Variants in ASPM observed in about 807,000 individuals in gnomAD.
The protein encoded by ASPM is assembly factor for spindle microtubules.
A neutral mutation model predicts 366.4 loss-of-function variants in ASPM; 256 were observed. The observed-to-expected ratio is 0.70, with a 90% CI of 0.63 to 0.77. The LOEUF (loss-of-function observed/expected upper bound fraction) is 0.77, where lower values mean the gene tolerates loss of function less well. Among genes scored for constraint, ASPM ranks in the 30% least tolerant of loss-of-function variants. The pLI is 0.00. For synonymous variants in ASPM, 1,414 were observed against 1,342.9 expected, an observed-to-expected ratio of 1.05 and a Z score of -1.16; for missense variants, 4,146 against 4,090.4, an observed-to-expected ratio of 1.01 and a Z score of -0.37.
chr1:197,122,099 A>G, intron 15 of ASPM, 56 bp from the exon 16 acceptor site: 2 of 1,599,892 alleles, frequency 1.3e-6, no homozygotes, highest in Non-Finnish European at 1.7e-6. Flanking sequence ...TACAGTACTT[A>G]CTATCATCTT....
chr1:197,139,619 C>G, intron 4 of ASPM, 148 bp downstream of exon 4: 2 of 721,710 alleles, frequency 2.8e-6, no homozygotes, highest in South Asian at 3.1e-5. Context: ...AGAAAGTTGA[C>G]ACAATATCCT....
At chr1:197,105,798 A>G (rs1249629791) in intron 17 of ASPM, among the ~76,000 whole-genome samples, 1 of 152,064 alleles carries the variant, frequency 6.6e-6, no homozygotes, top group African/African-American at 2.4e-5. Flanking sequence ...TTGAGAAATG[A>G]CAAAACTTTT....
In ASPM at chr1:197,100,515, A is replaced by C; in HGVS notation, c.8736T>G (p.Ser2912Arg). 6.2e-7 allele frequency: 1 copy of C among 1,610,842 alleles called. No homozygotes were observed. Among genetic ancestry groups the C allele is most frequent in the Non-Finnish European group, 8.5e-7 (1 of 1,178,006 alleles). ...TACTTCTAGCTTGAATAATGATAAC[A>C]CTGCTTCTGATCTGTAAATAGACTT... Reference protein sequence around the residue: ...QRQVYLQIRSSVIIIQARSKG... With the variant: ...QRQVYLQIRSRVIIIQARSKG... The change falls in exon 18 of 28, where the codon AGT becomes AGG. Residue 2912 changes from serine to arginine, a missense_variant. This residue lies in a region of ASPM where 3,624 missense variants were observed against 3,591.7 expected (regional missense o/e 1.01). Coordinates refer to ENST00000367409, the MANE Select transcript of ASPM (RefSeq NM_018136.5).
chr1:197,124,446 A>G (rs1658021377), intron 12 of ASPM, 115 bp from the exon 13 acceptor site: 3 of 817,498 alleles, frequency 3.7e-6, no homozygotes, highest in East Asian at 5.4e-5. Flanking sequence ...GTTTTAAACC[A>G]GGAAGTTAAA....
Position 197,139,900 on chromosome 1 carries a change from A to G in ASPM, c.1922-29T>C, listed in dbSNP as rs767205843. ...AAATAAATTAGAAAACAAAACTAAG[A>G]GCATTAAAATACAAATTCCCTAAAT... On this transcript the variant is annotated intron_variant, in intron 3 of 27. Coordinates refer to ENST00000367409, the MANE Select transcript of ASPM (RefSeq NM_018136.5). 1.2e-4 allele frequency: 178 copies of G among 1,480,872 alleles called. 1 individual carries two copies. The highest frequency in any genetic ancestry group is 1.0e-4 in the Non-Finnish European group (106 of 1,060,184). 91.7% of individuals were successfully genotyped at this position (1,480,872 alleles called of 1,614,324 possible). A position where few individuals can be genotyped will look rare whatever the true frequency, so the allele number is the denominator to read the frequency against.
intron 16 of ASPM, among the ~76,000 whole-genome samples, chr1:197,118,641 T>C (rs74820344): frequency 0.014 from 2,153 of 152,264 alleles, 49 homozygotes; most frequent in African/African-American, 0.046. Flanking sequence ...ACATATTCTA[T>C]GTCCAGCACC....
chr1:197,142,968 A>G lies in ASPM; in HGVS notation c.1284T>C (p.Asp428=), dbSNP rs757623220. 12 of 1,613,840 alleles carry G rather than the reference A, an allele frequency of 7.4e-6. No individual in the cohort carries two copies. Among genetic ancestry groups the G allele is most frequent in the South Asian group, 1.1e-5 (1 of 91,078 alleles). Residue 428 remains aspartate (D), a synonymous_variant, in exon 3 of 28, where the codon GAT becomes GAC. Transcript: ENST00000367409. ...GTGGCGAAACTTCACTTTTTCTCCA[A>G]TCTTCAGGAGACTGTGGGACTTGAG... The part of the protein sequence containing the change: ...ENSQVPQSPE[D]WRKSEVSPRI...
chr1:197,119,154 T>C (rs1251794347), intron 16 of ASPM, among the ~76,000 whole-genome samples: 2 of 152,160 alleles, frequency 1.3e-5, no homozygotes, highest in African/African-American at 4.8e-5. Context: ...TACTAAGGAA[T>C]GGTAAGTGCT....
intron 17 of ASPM, among the ~76,000 whole-genome samples, chr1:197,116,720 T>C (rs1657747019): frequency 6.6e-6 from 1 of 152,114 alleles, no homozygotes; most frequent in Non-Finnish European, 1.5e-5. Context: ...AGATTAAGTA[T>C]AGTGCAGAAT....
chr1:197,097,941 G>A (rs1337447585), intron 18 of ASPM, among the ~76,000 whole-genome samples: 4 of 150,588 alleles, frequency 2.7e-5, no homozygotes, highest in Non-Finnish European at 1.5e-5. Context: ...TTAAAACAAA[G>A]TTTTAATGAG....
intron 3 of ASPM, 103 bp downstream of exon 3, chr1:197,142,228 A>C: frequency 7.9e-7 from 1 of 1,259,402 alleles, no homozygotes; most frequent in South Asian, 1.3e-5. Context: ...CCAGCAAATA[A>C]GTAAAAACTA....
rs753486608 is a variant in ASPM at position 197,103,270 on chromosome 1, T to C, written c.5981A>G (p.Lys1994Arg). The C allele has an allele frequency of 1.4e-5, 22 of 1,612,894 alleles. No individual in the cohort carries two copies. In the East Asian group the frequency reaches 4.9e-4, roughly 36 times the overall value. ...CTTTTGAATCAGAAGAGCAGCTTTTTTCATGATTTTCCACTTCTTTTGTTG... is the reference window on the plus strand; with the variant it reads ...CTTTTGAATCAGAAGAGCAGCTTTTCTCATGATTTTCCACTTCTTTTGTTG... ...HVQQKKWKIM[K>R]KAALLIQKYY... Residue 1994 changes from lysine to arginine, a missense_variant, in exon 18 of 28, where the codon AAA (lysine) becomes AGA (arginine). By Grantham distance (26) the Lys-to-Arg change is conservative. This residue lies in a region of ASPM where 3,624 missense variants were observed against 3,591.7 expected (regional missense o/e 1.01). Coordinates refer to ENST00000367409, the MANE Select transcript of ASPM (RefSeq NM_018136.5).
In ASPM at chr1:197,094,123, A is replaced by T; in HGVS notation, c.9045T>A (p.Leu3015=). Residue 3015 remains leucine, a synonymous_variant, in exon 20 of 28, where the codon CTT becomes CTA. Transcript: ENST00000367409. ...IIIQRKWRAI[L]PAKIAHEHFL... is the part of the protein sequence containing the mutation. ...AGTGTTCATGAGCTATCTTTGCAGGAAGTATAGCTCTCCATTTTCTCTGAA... is the reference window on the plus strand; with the variant it reads ...AGTGTTCATGAGCTATCTTTGCAGGTAGTATAGCTCTCCATTTTCTCTGAA... The T allele has an allele frequency of 6.2e-7, 1 of 1,607,270 alleles. No individual in the cohort carries two copies. Among genetic ancestry groups the T allele is most frequent in the Non-Finnish European group, 8.5e-7 (1 of 1,175,800 alleles).
intron 8 of ASPM, 77 bp from the exon 9 acceptor site, chr1:197,129,394 TAATAAGGTGTTAGTAA>T: frequency 6.7e-7 from 1 of 1,486,244 alleles, no homozygotes. Flanking sequence ...ATAATAATAA[TAATAAGGTGTTAGTAA>T]AACAAAAAGT....
Position 197,146,232 on chromosome 1 carries a change from T to G in ASPM, c.206A>C (p.Asn69Thr). The change falls in exon 1 of 28, where the codon AAC (asparagine) becomes ACC (threonine). Residue 69 changes from asparagine to threonine, a missense_variant. This residue lies in a region of ASPM where 512 missense variants were observed against 471.7 expected (regional missense o/e 1.09). Transcript: ENST00000367409. Reference protein sequence around the residue: ...ASRTLSLALDNPNEEVAEVKI... With the variant: ...ASRTLSLALDTPNEEVAEVKI... ...CACTTCTGCCACCTCCTCGTTAGGG[T>G]TGTCTAGGGCCAGAGACAGCGTCCG... is the stretch of plus-strand genomic sequence containing the variant. 6.2e-7 allele frequency: 1 copy of G among 1,613,872 alleles called. No individual in the cohort carries two copies. The highest frequency in any genetic ancestry group is 8.5e-7 in the Non-Finnish European group (1 of 1,179,974).
At position 197,090,314 on chromosome 1, in the gene ASPM, T is replaced by C. The variant is rs750817240; in HGVS notation, c.9711A>G (p.Gln3237=). 4 of 1,613,022 alleles carry C rather than the reference T, an allele frequency of 2.5e-6. No individual in the cohort carries two copies. Among genetic ancestry groups the C allele is most frequent in the Non-Finnish European group, 3.4e-6 (4 of 1,179,358 alleles). The change falls in exon 24 of 28, where the codon CAA becomes CAG. Residue 3237 remains glutamine, a synonymous_variant. Transcript: ENST00000367409. ...TKIKAIRLSL[Q]VVNREIREEN... ...CTTCTCGAATCTCCCTATTAACAAC[T>C]TGAAGACTTAGTCGTATAGCTTTAA...
At chr1:197,118,096 C>T (rs1247315028) in intron 16 of ASPM, 113 bp from the exon 17 acceptor site, 1 of 977,432 alleles carries the variant, frequency 1.0e-6, no homozygotes, top group Non-Finnish European at 1.6e-6. Flanking sequence ...GGAAATAAAA[C>T]ACCCCTACAC....
In ASPM at chr1:197,142,952, C is replaced by G. The variant is rs370714755; in HGVS notation, c.1300G>C (p.Val434Leu). 6 of 1,613,856 alleles carry G rather than the reference C, an allele frequency of 3.7e-6. No homozygotes were observed. Among genetic ancestry groups the G allele is most frequent in the Non-Finnish European group, 4.2e-6 (5 of 1,179,888 alleles). The change falls in exon 3 of 28, where the codon GTT (valine) becomes CTT (leucine). Residue 434 changes from valine to leucine, a missense_variant. By Grantham distance (32) the Val-to-Leu change is conservative (BLOSUM62 1). Around this residue, in one of 3 missense-constraint regions of ASPM, gnomAD observed 3,624 missense variants for 3,591.7 expected, o/e 1.01. Coordinates refer to ENST00000367409, the MANE Select transcript of ASPM (RefSeq NM_018136.5). ...TGACATTCAGGAATACGTGGCGAAA[C>G]TTCACTTTTTCTCCAATCTTCAGGA... ...QSPEDWRKSE[V>L]SPRIPECQGS... is the part of the protein sequence containing the mutation.
Position 197,125,228 on chromosome 1 carries a change from A to G in ASPM, c.2937-37T>C, listed in dbSNP as rs201467982. 8 of 1,609,966 alleles carry G rather than the reference A, an allele frequency of 5.0e-6. No individual in the cohort carries two copies. The East Asian group carries it at 1.6e-4, about 31-fold the overall frequency. On this transcript the variant is annotated intron_variant, in intron 10 of 27. Coordinates refer to ENST00000367409, the MANE Select transcript of ASPM (RefSeq NM_018136.5). ...AAAATGTTCAGATGAAATTATCATAAAAACGTATATGAAAAAACCCTTCAC... is the reference window on the plus strand; with the variant it reads ...AAAATGTTCAGATGAAATTATCATAGAAACGTATATGAAAAAACCCTTCAC...
Sources: gnomAD v4.1 joint callset for allele counts (sites outside exome capture counted in the v4.1 genomes callset) on GRCh38, gnomAD v4.1.1 for gene constraint, gnomAD v4.1.1 regional missense constraint, MANE v1.5 for transcripts, NCBI Gene and HGNC (gene_info 2026-07-23, HGNC 2026-07-21) for gene names.